Variants in ATXN7L1 observed in about 807,000 individuals in gnomAD.
The protein encoded by ATXN7L1 is ataxin-7-like protein 1.
ATXN7L1 carries 15 observed loss-of-function variants against 70.8 expected under a neutral mutation model. That is an observed-to-expected ratio of 0.21 (90% CI 0.14 to 0.33). The LOEUF (loss-of-function observed/expected upper bound fraction) is 0.33. Among genes scored for constraint, ATXN7L1 ranks in the 10% least tolerant of loss-of-function variants. The pLI, the probability that ATXN7L1 is intolerant of heterozygous loss-of-function variation, is 1.00. For synonymous variants in ATXN7L1, 440 were observed against 445.1 expected (o/e 0.99, Z 0.14); for missense variants, 975 against 1,097.1 (o/e 0.89, Z 1.57).
At chr7:105,616,764 C>T (rs190819054) in intron 9 of ATXN7L1, among the ~76,000 whole-genome samples, 1 of 152,320 alleles carries the variant, frequency 6.6e-6, no homozygotes, top group Admixed American at 6.5e-5. Context: ...TCTGGCCCTG[C>T]ACAACCCCTT....
At chr7:105,725,824 G>A (rs1415133772) in intron 3 of ATXN7L1, among the ~76,000 whole-genome samples, 3 of 151,816 alleles carry the variant, frequency 2.0e-5, no homozygotes, top group South Asian at 2.1e-4. Context: ...CAGGAGATCC[G>A]CCCGCCTTGG....
At chr7:105,767,063 G>C (rs1801362072) in intron 3 of ATXN7L1, among the ~76,000 whole-genome samples, 1 of 152,188 alleles carries the variant, frequency 6.6e-6, no homozygotes, top group African/African-American at 2.4e-5. Flanking sequence ...CAGATGACAG[G>C]GATTTTTCCC....
chr7:105,797,863 G>A (rs529881556), intron 2 of ATXN7L1, among the ~76,000 whole-genome samples: 19 of 152,244 alleles, frequency 1.2e-4, no homozygotes, highest in Non-Finnish European at 1.9e-4. Context: ...GCAATCTTCC[G>A]GAAGACAGGA....
chr7:105,761,307 A>C, intron 3 of ATXN7L1: 1 of 1,604,944 alleles, frequency 6.2e-7, no homozygotes, highest in Non-Finnish European at 8.5e-7. Flanking sequence ...TCTTCCAGGA[A>C]GCCGTCTCCA....
chr7:105,729,736 CTTTT>C (rs55774943), intron 3 of ATXN7L1, among the ~76,000 whole-genome samples: 1 of 129,550 alleles, frequency 7.7e-6, no homozygotes, highest in African/African-American at 3.0e-5. Context: ...GGCACCACTT[CTTTT>C]TTTTTTTTTT....
At chr7:105,717,679 C>T (rs538958066) in intron 3 of ATXN7L1, among the ~76,000 whole-genome samples, 51 of 152,288 alleles carry the variant, frequency 3.3e-4, no homozygotes, top group African/African-American at 1.1e-3. Context: ...AGCAGCTTGA[C>T]GGAAAGTCTG....
At chr7:105,690,691 G>A (rs1319280810) in intron 3 of ATXN7L1, among the ~76,000 whole-genome samples, 1 of 152,158 alleles carries the variant, frequency 6.6e-6, no homozygotes, top group African/African-American at 2.4e-5. Context: ...TGATGAACGC[G>A]CTACTTACTC....
chr7:105,618,857 G>T (rs866924878), intron 9 of ATXN7L1, among the ~76,000 whole-genome samples: 1 of 152,280 alleles, frequency 6.6e-6, no homozygotes, highest in Middle Eastern at 3.4e-3. Context: ...TCCAGATTAA[G>T]GCTTCTTCCC....
chr7:105,811,197 G>A (rs1001738263), intron 2 of ATXN7L1, among the ~76,000 whole-genome samples: 11 of 152,170 alleles, frequency 7.2e-5, no homozygotes, highest in South Asian at 2.1e-4. Context: ...CTTATACGAC[G>A]AGGAGAAGAG....
At chr7:105,854,759 G>C (rs1815463511) in intron 2 of ATXN7L1, among the ~76,000 whole-genome samples, 1 of 151,818 alleles carries the variant, frequency 6.6e-6, no homozygotes, top group African/African-American at 2.4e-5. Flanking sequence ...TTGTAAGCTG[G>C]GGCCAGCTTG....
chr7:105,819,606 G>A (rs1809779443), intron 2 of ATXN7L1: 2 of 904,344 alleles, frequency 2.2e-6, no homozygotes, highest in South Asian at 2.6e-5. Flanking sequence ...CGTACGCTGT[G>A]AGGGCATCAT....
intron 2 of ATXN7L1, among the ~76,000 whole-genome samples, chr7:105,862,080 G>C (rs533842247): frequency 2.6e-5 from 4 of 152,174 alleles, no homozygotes; most frequent in Non-Finnish European, 5.9e-5. Flanking sequence ...CTGGAGTCTG[G>C]GGACTTGGCT....
At chr7:105,641,214 CTTTTTTTTTTTTTTTTTTTTT>C (rs561100060) in intron 5 of ATXN7L1, among the ~76,000 whole-genome samples, 1 of 21,786 alleles carries the variant, frequency 4.6e-5, no homozygotes, top group Admixed American at 7.4e-4. Flanking sequence ...CTCTCTCTCT[CTTTTTTTTTTTTTTTTTTTTT>C]TTTTTTTTTA....
In ATXN7L1 at chr7:105,607,674, T is replaced by C. The variant is rs180726970; in HGVS notation, c.*178A>G. Reference sequence around the variant, plus strand: ...CTGTAAATCTCAAATTCACCTTCTTTTGCCTTTTTAACTAAAAATTGGTCA... The same window carrying C: ...CTGTAAATCTCAAATTCACCTTCTTCTGCCTTTTTAACTAAAAATTGGTCA... On this transcript the variant is annotated 3_prime_UTR_variant, in exon 12 of 12. Transcript: ENST00000419735. 4.1e-4 allele frequency: 243 copies of C among 588,968 alleles called. 3 individuals are homozygous for C. The highest frequency in any genetic ancestry group is 4.0e-3 in the African/African-American group (217 of 53,742). The allele number at this position is 588,968 out of a possible 1,614,324, so 36.5% of individuals were successfully genotyped here. A position where few individuals can be genotyped will look rare whatever the true frequency, so the allele number is the denominator to read the frequency against.
Position 105,796,189 on chromosome 7 carries a change from C to A in ATXN7L1, c.251-7481G>T, listed in dbSNP as rs544326082. Among the ~76,000 whole-genome samples the A allele has an allele frequency of 3.3e-5, 5 of 152,236 alleles. No homozygotes were observed. In the South Asian group the frequency reaches 1.0e-3, roughly 32 times the overall value. ...ACCATCTTGGCTAACACAGTGAAAT[C>A]CCATCCCTACTAAAAATACAACCAT... On this transcript the variant is annotated intron_variant, in intron 2 of 11. Transcript: ENST00000419735.
At chr7:105,753,185 G>A (rs1235582059) in intron 3 of ATXN7L1, among the ~76,000 whole-genome samples, 1 of 152,248 alleles carries the variant, frequency 6.6e-6, no homozygotes, top group African/African-American at 2.4e-5. Flanking sequence ...CACTGGAGGA[G>A]ATAGGGGCGG....
chr7:105,812,865 G>A (rs1414513093), intron 2 of ATXN7L1, among the ~76,000 whole-genome samples: 1 of 152,174 alleles, frequency 6.6e-6, no homozygotes, highest in Non-Finnish European at 1.5e-5. Flanking sequence ...ATCTGGGCAT[G>A]GTGGCACACA....
intron 3 of ATXN7L1, among the ~76,000 whole-genome samples, chr7:105,733,901 CATCAT>C (rs1797078129): frequency 2.1e-5 from 3 of 140,576 alleles, no homozygotes; most frequent in Admixed American, 7.2e-5. Flanking sequence ...TCCATCCATC[CATCAT>C]CCATCATCCA....
At chr7:105,750,544 C>T (rs1007039467) in intron 3 of ATXN7L1, among the ~76,000 whole-genome samples, 3 of 149,614 alleles carry the variant, frequency 2.0e-5, no homozygotes, top group Admixed American at 1.4e-4. Context: ...GTGTGAGCCA[C>T]CAATCCCAGC....
Sources: allele counts gnomAD v4.1 joint callset (sites outside exome capture counted in the v4.1 genomes callset), GRCh38; gene constraint gnomAD v4.1.1; transcripts MANE v1.5; gene names NCBI Gene and HGNC (gene_info 2026-07-23, HGNC 2026-07-21).